CBL: variants seen among roughly 807,000 people sequenced by gnomAD.
The protein encoded by CBL is E3 ubiquitin-protein ligase CBL.
Under a neutral mutation model 96.9 loss-of-function variants are expected in CBL, and 45 were observed. The observed-to-expected ratio is 0.46, with a 90% confidence interval of 0.37 to 0.60. CBL has a LOEUF of 0.60. Among genes scored for constraint, CBL ranks in the 20% least tolerant of loss-of-function variants. The probability of loss-of-function intolerance (pLI) is 0.00; values close to 1 mark genes in which losing one functional copy is unlikely to be tolerated. For synonymous variants in CBL, 420 were observed against 426.8 expected, an observed-to-expected ratio of 0.98 and a Z score of 0.20; for missense variants, 1,024 against 1,143.5, an observed-to-expected ratio of 0.90 and a Z score of 1.51.
At position 119,285,243 on chromosome 11, in the gene CBL, C is replaced by G; in HGVS notation, c.1618C>G (p.Arg540Gly). The G allele has an allele frequency of 1.2e-6, 2 of 1,614,152 alleles. No homozygotes were observed. The highest frequency in any genetic ancestry group is 1.7e-6 in the Non-Finnish European group (2 of 1,180,016). The change falls in exon 11 of 16, where the codon CGA (arginine) becomes GGA (glycine). Residue 540 changes from arginine to glycine, a missense_variant. Around this residue, in one of 4 missense-constraint regions of CBL, gnomAD observed 695 missense variants for 661.6 expected, o/e 1.05. Transcript: ENST00000264033. ...DKPLPVPPTL[R>G]DLPPPPPPDR... Reference sequence around the variant, plus strand: ...ACCATTGCCAGTACCTCCCACACTTCGAGATCTTCCACCACCACCGCCTCC... The same window carrying G: ...ACCATTGCCAGTACCTCCCACACTTGGAGATCTTCCACCACCACCGCCTCC...
intron 2 of CBL, among the ~76,000 whole-genome samples, chr11:119,250,332 T>G (rs887314582): frequency 6.6e-6 from 1 of 152,194 alleles, no homozygotes; most frequent in East Asian, 1.9e-4. Flanking sequence ...GGTGGTTCTT[T>G]CCCTAGCTTC....
intron 2 of CBL, among the ~76,000 whole-genome samples, chr11:119,255,759 C>T (rs1949706514): frequency 6.6e-6 from 1 of 152,042 alleles, no homozygotes; most frequent in African/African-American, 2.4e-5. Flanking sequence ...TATAATATAT[C>T]ACAGCTTAAT....
intron 9 of CBL, among the ~76,000 whole-genome samples, chr11:119,281,257 C>A (rs370777195): frequency 6.6e-6 from 1 of 152,246 alleles, no homozygotes; most frequent in East Asian, 1.9e-4. Context: ...ATGTTTTCCT[C>A]TTTTTTGCTT....
chr11:119,270,174 A>G lies in CBL; in HGVS notation c.444-1561A>G, dbSNP rs1240399837. 2.0e-5 allele frequency among the ~76,000 whole-genome samples: 3 copies of G among 151,170 alleles called. No homozygotes were observed. In the East Asian group the frequency reaches 5.8e-4, roughly 29 times the overall value. The stretch of plus-strand genomic sequence containing the variant: ...AATAGCATTAAAGAGAACAAAGGTA[A>G]TCTGATCAAAGGACACATGGAAAAG... On this transcript the variant is annotated intron_variant, in intron 2 of 15. Transcript: ENST00000264033.
At chr11:119,298,112 G>T (rs979700246) in intron 14 of CBL, among the ~76,000 whole-genome samples, 1 of 152,194 alleles carries the variant, frequency 6.6e-6, no homozygotes, top group African/African-American at 2.4e-5. Context: ...CATTGGCATC[G>T]GTGGCTATTA....
chr11:119,289,018 C>T (rs1403782269), intron 12 of CBL, among the ~76,000 whole-genome samples: 4 of 152,160 alleles, frequency 2.6e-5, no homozygotes, highest in Non-Finnish European at 4.4e-5. Context: ...GATTTTCATA[C>T]ATTTGAAAAT....
intron 2 of CBL, among the ~76,000 whole-genome samples, chr11:119,248,399 A>G (rs1949647621): frequency 6.6e-6 from 1 of 152,234 alleles, no homozygotes; most frequent in Non-Finnish European, 1.5e-5. Flanking sequence ...GGTGCTGGGA[A>G]AACTAAATTA....
At chr11:119,254,186 A>C (rs1443379556) in intron 2 of CBL, among the ~76,000 whole-genome samples, 1 of 152,196 alleles carries the variant, frequency 6.6e-6, no homozygotes, top group Non-Finnish European at 1.5e-5. Context: ...GTCTCTATAA[A>C]AAAGAAAAGT....
chr11:119,275,772 G>A (rs565516009), intron 5 of CBL, among the ~76,000 whole-genome samples: 1 of 152,274 alleles, frequency 6.6e-6, no homozygotes, highest in East Asian at 1.9e-4. Context: ...TGAGGCAGGA[G>A]AATCATTTGA....
Position 119,306,501 on chromosome 11 carries a change from C to G in CBL, c.*6720C>G, listed in dbSNP as rs1312864540. The G allele has an allele frequency of 4.3e-5, 17 of 397,176 alleles. No homozygotes were observed. The highest frequency in any genetic ancestry group is 6.7e-5 in the Non-Finnish European group (15 of 225,538). The allele number at this position is 397,176 out of a possible 1,614,324, so 24.6% of individuals were successfully genotyped here. On this transcript the variant is annotated 3_prime_UTR_variant, in exon 16 of 16. Coordinates refer to ENST00000264033, the MANE Select transcript of CBL (RefSeq NM_005188.4). ...GCGTGCTATGTGCAACTCCTCAGGC[C>G]TTGTGCCACCTCCATGCTGAGCCCT...
chr11:119,300,733 C>T lies in CBL; in HGVS notation c.*952C>T. 1 of 396,190 alleles carries T rather than the reference C, an allele frequency of 2.5e-6. No homozygotes were observed. Among genetic ancestry groups the T allele is most frequent in the Non-Finnish European group, 4.4e-6 (1 of 224,816 alleles). 24.5% of individuals were successfully genotyped at this position (396,190 alleles called of 1,614,324 possible). On this transcript the variant is annotated 3_prime_UTR_variant, in exon 16 of 16. Coordinates refer to ENST00000264033, the MANE Select transcript of CBL (RefSeq NM_005188.4). ...TCCCCAGAAAATAGTCTGTGGGAGT[C>T]AGTTGCCTTGGTGCCAGGTATGTGT...
intron 1 of CBL, among the ~76,000 whole-genome samples, chr11:119,206,930 C>G (rs1445744265): frequency 6.6e-6 from 1 of 150,702 alleles, no homozygotes; most frequent in East Asian, 1.9e-4. Context: ...ATGAGGGGTG[C>G]GGAGTTTGGG....
intron 2 of CBL, among the ~76,000 whole-genome samples, chr11:119,271,110 CTTAT>C (rs1252857360): frequency 6.6e-6 from 1 of 152,136 alleles, no homozygotes; most frequent in Non-Finnish European, 1.5e-5. Context: ...TTAATTAAGA[CTTAT>C]TTATCTTTTA....
intron 2 of CBL, among the ~76,000 whole-genome samples, chr11:119,238,430 G>A (rs1000722531): frequency 2.0e-5 from 3 of 151,648 alleles, no homozygotes; most frequent in Non-Finnish European, 2.9e-5. Flanking sequence ...GGCTGGTCTC[G>A]AACTCCTGGC....
At chr11:119,265,404 A>C (rs1002585068) in intron 2 of CBL, among the ~76,000 whole-genome samples, 1 of 152,324 alleles carries the variant, frequency 6.6e-6, no homozygotes, top group African/African-American at 2.4e-5. Flanking sequence ...AGTTTAGTAG[A>C]TTACTTTTTC....
intron 1 of CBL, among the ~76,000 whole-genome samples, chr11:119,211,635 C>A (rs749677620): frequency 2.0e-5 from 3 of 151,872 alleles, no homozygotes; most frequent in Non-Finnish European, 4.4e-5. Flanking sequence ...TCCCAAGTAG[C>A]TGGGATTACA....
chr11:119,250,643 C>T (rs1949663750), intron 2 of CBL, among the ~76,000 whole-genome samples: 1 of 152,160 alleles, frequency 6.6e-6, no homozygotes, highest in South Asian at 2.1e-4. Context: ...TCCGCTATTG[C>T]CTGGTGTCCA....
intron 1 of CBL, among the ~76,000 whole-genome samples, chr11:119,221,722 G>A (rs1385178626): frequency 2.0e-5 from 3 of 148,876 alleles, no homozygotes; most frequent in Middle Eastern, 3.6e-3. Context: ...GAGCCAAGTC[G>A]CGCCACTGCA....
At chr11:119,252,926 G>C (rs147478979) in intron 2 of CBL, among the ~76,000 whole-genome samples, 1 of 151,462 alleles carries the variant, frequency 6.6e-6, no homozygotes, top group Non-Finnish European at 1.5e-5. Flanking sequence ...AAATCACTAG[G>C]TTGAGGTTTT....
Sources: allele counts gnomAD v4.1 joint callset (sites outside exome capture counted in the v4.1 genomes callset), GRCh38; gene constraint gnomAD v4.1.1; regional missense constraint gnomAD v4.1.1; transcripts MANE v1.5; gene names NCBI Gene and HGNC (gene_info 2026-07-23, HGNC 2026-07-21).